The following SCLT1 variants were observed in gnomAD, a reference collection of about 807,000 sequenced individuals.
SCLT1 encodes sodium channel-associated protein 1.
In SCLT1, 78 loss-of-function variants were observed where a neutral mutation model predicts 112.8. The observed-to-expected ratio is 0.69, with a 90% confidence interval of 0.58 to 0.83. SCLT1 has a LOEUF of 0.83. SCLT1 is among the 40% of genes least tolerant of loss of function. SCLT1 has a pLI of 0.00. For synonymous variants in SCLT1, 257 were observed against 254.7 expected (o/e 1.01, Z -0.09); for missense variants, 747 against 770.4 (o/e 0.97, Z 0.36).
At chr4:129,028,851 C>G (rs1248156651) in intron 5 of SCLT1, among the ~76,000 whole-genome samples, 1 of 151,858 alleles carries the variant, frequency 6.6e-6, no homozygotes, top group Non-Finnish European at 1.5e-5. Context: ...ACCATCCCAT[C>G]AAAAAGTGGG....
At chr4:128,880,253 T>G (rs1386767177), downstream of SCLT1, among the ~76,000 whole-genome samples, 2 of 152,204 alleles carry the variant, frequency 1.3e-5, no homozygotes, top group African/African-American at 4.8e-5. Flanking sequence ...TTTTATCCAT[T>G]AAGGGAGTTG....
intron 17 of SCLT1, among the ~76,000 whole-genome samples, chr4:128,941,514 G>C (rs1395372404): frequency 6.6e-6 from 1 of 151,604 alleles, no homozygotes; most frequent in Non-Finnish European, 1.5e-5. Context: ...GCTATTAGCT[G>C]TTTTTTCCTT....
rs1033774602 is a variant in SCLT1, at chr4:129,017,984, C to T, written c.291-14108G>A. On this transcript the variant is annotated intron_variant, in intron 5 of 20. Coordinates refer to ENST00000281142, the MANE Select transcript of SCLT1 (RefSeq NM_144643.4). ...CTGGACAATCAGGAAGCAGCTATATCTACTGCTGGTTCTAGAATCACATCC... is the reference window on the plus strand; with the variant it reads ...CTGGACAATCAGGAAGCAGCTATATTTACTGCTGGTTCTAGAATCACATCC... Among the ~76,000 whole-genome samples the T allele has an allele frequency of 3.9e-5, 6 of 152,216 alleles. No individual in the cohort carries two copies. The East Asian group carries it at 1.2e-3, about 29-fold the overall frequency.
chr4:128,954,555 T>A (rs1388808394), intron 13 of SCLT1, among the ~76,000 whole-genome samples: 2 of 152,086 alleles, frequency 1.3e-5, no homozygotes, highest in African/African-American at 2.4e-5. Context: ...CCTCGTGATC[T>A]GCCCACCTCG....
intron 2 of SCLT1, among the ~76,000 whole-genome samples, chr4:129,054,072 T>C (rs908295631): frequency 2.0e-5 from 3 of 152,194 alleles, no homozygotes; most frequent in Non-Finnish European, 4.4e-5. Flanking sequence ...TGTTGGATAT[T>C]GGCCCCCACT....
At chr4:128,923,444 CAAAAAAAA>C (rs35945474) in intron 18 of SCLT1, among the ~76,000 whole-genome samples, 4 of 81,400 alleles carry the variant, frequency 4.9e-5, no homozygotes, top group Non-Finnish European at 9.0e-5. Context: ...GACTCCATCT[CAAAAAAAA>C]AAAAAAAAAA....
In SCLT1 at chr4:128,947,805, T is replaced by A. The variant is rs188401460; in HGVS notation, c.1293+691A>T. ...ATTCTTCCTAAGTGTGAAATTAAAA[T>A]CTGTACTTCTAAAAGGTAAAAATCA... On this transcript the variant is annotated intron_variant, in intron 15 of 20. Transcript: ENST00000281142. Among the ~76,000 whole-genome samples the A allele has an allele frequency of 8.5e-5, 13 of 152,310 alleles. No homozygotes were observed. The East Asian group carries it at 1.9e-3, about 23-fold the overall frequency.
At chr4:129,065,534 A>G (rs566155320) in intron 2 of SCLT1, among the ~76,000 whole-genome samples, 1 of 152,228 alleles carries the variant, frequency 6.6e-6, no homozygotes, top group East Asian at 1.9e-4. Flanking sequence ...CTGTTGCTGT[A>G]GCACAAATGG....
chr4:128,994,622 A>G (rs1042002326), intron 8 of SCLT1, among the ~76,000 whole-genome samples: 9 of 152,126 alleles, frequency 5.9e-5, no homozygotes, highest in African/African-American at 2.2e-4. Context: ...CCGTTTTGCA[A>G]TCCCACCAAA....
Position 128,884,469 on chromosome 4 carries a change from G to C in SCLT1, c.*8C>G. 6.4e-7 allele frequency: 1 copy of C among 1,552,950 alleles called. No individual in the cohort carries two copies. Among genetic ancestry groups the C allele is most frequent in the Non-Finnish European group, 8.9e-7 (1 of 1,126,088 alleles). On this transcript the variant is annotated 3_prime_UTR_variant, in exon 21 of 21. Transcript: ENST00000281142. ...CTCTAAAGTTCTGTGAGTGAACTAT[G>C]AATATTTTTAAATATTTTCCAGATT...
intron 11 of SCLT1, among the ~76,000 whole-genome samples, chr4:128,960,882 T>C (rs1260348805): frequency 1.6e-5 from 2 of 121,902 alleles, no homozygotes; most frequent in African/African-American, 6.7e-5. Context: ...ATTGCGCCAC[T>C]GCAGTCCGCA....
At chr4:128,963,107 A>C (rs558439629) in intron 11 of SCLT1, among the ~76,000 whole-genome samples, 3 of 152,178 alleles carry the variant, frequency 2.0e-5, no homozygotes. Context: ...AGTGGCAGCC[A>C]ACCAAGAGTC....
intron 5 of SCLT1, among the ~76,000 whole-genome samples, chr4:129,033,993 T>C (rs1448030560): frequency 6.6e-6 from 1 of 152,184 alleles, no homozygotes; most frequent in African/African-American, 2.4e-5. Context: ...TTCTTCACAG[T>C]ATAATGACCT....
chr4:128,941,182 T>A (rs1006621880), intron 17 of SCLT1, among the ~76,000 whole-genome samples: 1 of 152,140 alleles, frequency 6.6e-6, no homozygotes, highest in Non-Finnish European at 1.5e-5. Flanking sequence ...ATTATGCAAC[T>A]ACAATTCAAG....
chr4:128,944,671 A>C (rs558291409), intron 16 of SCLT1: 12 of 152,318 alleles, frequency 7.9e-5, no homozygotes, highest in African/African-American at 2.6e-4. Flanking sequence ...AAACCCTTTA[A>C]ATGAAGTAAC....
At chr4:128,899,555 C>G (rs1240926012) in intron 18 of SCLT1, among the ~76,000 whole-genome samples, 1 of 152,146 alleles carries the variant, frequency 6.6e-6, no homozygotes, top group Non-Finnish European at 1.5e-5. Context: ...ATGACAAACC[C>G]ACAGCCAATA....
chr4:128,937,573 T>C (rs1273722129), intron 17 of SCLT1, among the ~76,000 whole-genome samples: 13 of 152,214 alleles, frequency 8.5e-5, no homozygotes, highest in Non-Finnish European at 2.9e-5. Context: ...CATACTAAAT[T>C]TGAAACTCTT....
At chr4:128,946,966 C>T (rs1410575199) in intron 15 of SCLT1, among the ~76,000 whole-genome samples, 1 of 152,144 alleles carries the variant, frequency 6.6e-6, no homozygotes, top group Non-Finnish European at 1.5e-5. Flanking sequence ...GCAGTTCATA[C>T]GTTGAAGCAA....
At chr4:128,927,417 A>G (rs1235990077) in intron 18 of SCLT1, among the ~76,000 whole-genome samples, 1 of 152,032 alleles carries the variant, frequency 6.6e-6, no homozygotes, top group Admixed American at 6.6e-5. Context: ...TCTACAAAAA[A>G]CACAAAACTT....
Sources: allele counts gnomAD v4.1 joint callset (sites outside exome capture counted in the v4.1 genomes callset), GRCh38; gene constraint gnomAD v4.1.1; transcripts MANE v1.5; gene names NCBI Gene and HGNC (gene_info 2026-07-23, HGNC 2026-07-21).